The following DCBLD1 variants were observed in gnomAD, a reference collection of about 807,000 sequenced individuals.
DCBLD1 encodes the protein discoidin, CUB and LCCL domain-containing protein 1.
Under a neutral mutation model 71.5 loss-of-function variants are expected in DCBLD1, and 57 were observed. The ratio of observed to expected loss-of-function variants is 0.80; its 90% CI spans 0.64 to 0.99. The LOEUF is 0.99. Ranked by LOEUF, DCBLD1 falls within the 50% of genes least tolerant of loss-of-function variation. The probability of loss-of-function intolerance (pLI) is 0.00; values close to 1 mark genes in which losing one functional copy is unlikely to be tolerated. For missense variants in DCBLD1, 891 were observed against 923.5 expected, an observed-to-expected ratio of 0.96 and a Z score of 0.46; for synonymous variants, 380 against 363.8, an observed-to-expected ratio of 1.04 and a Z score of -0.51.
intron 2 of DCBLD1, among the ~76,000 whole-genome samples, chr6:117,506,205 AG>A (rs1226013875): frequency 6.6e-6 from 1 of 152,076 alleles, no homozygotes; most frequent in African/African-American, 2.4e-5. Flanking sequence ...GCCTTTCCAC[AG>A]GTGGGGAAAC....
In DCBLD1 at chr6:117,521,559, T is replaced by C; in HGVS notation, c.495T>C (p.Tyr165=). 1 of 1,567,768 alleles carries C rather than the reference T, an allele frequency of 6.4e-7. No homozygotes were observed. The highest frequency in any genetic ancestry group is 8.6e-7 in the Non-Finnish European group (1 of 1,166,192). The part of the protein sequence containing the change: ...LITCLERASH[Y]LKTEYSKFCP... ...CATGTTTGGAACGAGCTAGCCATTA[T>C]TTGAAGACAGAATACAGGTAAGTAT... Residue 165 remains tyrosine (Y), a synonymous_variant, in exon 4 of 15, where the codon TAT becomes TAC. Transcript: ENST00000338728.
At chr6:117,543,005 T>C in intron 11 of DCBLD1, 119 bp from the exon 12 acceptor site, 1 of 807,540 alleles carries the variant, frequency 1.2e-6, no homozygotes, top group Non-Finnish European at 2.1e-6. Context: ...CTAACATGTA[T>C]TCATTTTCCC....
chr6:117,530,320 A>T (rs1393818816), intron 5 of DCBLD1, among the ~76,000 whole-genome samples: 4 of 152,320 alleles, frequency 2.6e-5, no homozygotes, highest in South Asian at 4.1e-4. Flanking sequence ...TGGTTTCAGG[A>T]TGAAAGTGTT....
chr6:117,487,062 C>T (rs1777113281), intron 1 of DCBLD1, among the ~76,000 whole-genome samples: 1 of 152,126 alleles, frequency 6.6e-6, no homozygotes, highest in Non-Finnish European at 1.5e-5. Flanking sequence ...CAGCCCCATA[C>T]ACGGAAAAAT....
At chr6:117,558,641 C>G (rs1779527044) in intron 14 of DCBLD1, among the ~76,000 whole-genome samples, 1 of 152,124 alleles carries the variant, frequency 6.6e-6, no homozygotes, top group Non-Finnish European at 1.5e-5. Flanking sequence ...AAATCAGGTA[C>G]AAGCTCCAAG....
intron 1 of DCBLD1, among the ~76,000 whole-genome samples, chr6:117,501,488 C>T (rs1218201425): frequency 6.6e-6 from 1 of 152,206 alleles, no homozygotes; most frequent in Admixed American, 6.5e-5. Context: ...CTCGCGCTAC[C>T]ATGCCCAGCT....
Position 117,482,826 on chromosome 6 carries a change from C to G in DCBLD1, c.45C>G (p.Ala15=). 2 of 1,165,882 alleles carry G rather than the reference C, an allele frequency of 1.7e-6. No individual in the cohort carries two copies. Among genetic ancestry groups the G allele is most frequent in the Non-Finnish European group, 2.1e-6 (2 of 946,706 alleles). The allele number at this position is 1,165,882 out of a possible 1,614,324, so 72.2% of individuals were successfully genotyped here. A position where few individuals can be genotyped will look rare whatever the true frequency, so the allele number is the denominator to read the frequency against. ...ARGGGALARA[A]GRGLLALLLA... ...GCGGCGGCGCACTGGCGCGGGCTGC[C>G]GGGCGGGGCCTCCTGGCTTTGCTGC... Residue 15 remains alanine (A), a synonymous_variant, in exon 1 of 15, where the codon GCC becomes GCG. Coordinates refer to ENST00000338728, the MANE Select transcript of DCBLD1 (RefSeq NM_001366458.2).
At chr6:117,564,047 G>A (rs970424233) in intron 14 of DCBLD1, among the ~76,000 whole-genome samples, 5 of 149,902 alleles carry the variant, frequency 3.3e-5, no homozygotes, top group African/African-American at 1.2e-4. Flanking sequence ...GCATGATTAC[G>A]GCTCACTGCT....
Position 117,521,508 on chromosome 6 carries a change from A to T in DCBLD1, c.461-17A>T, listed in dbSNP as rs1340405740. On this transcript the variant is annotated splice_polypyrimidine_tract_variant and intron_variant, in intron 3 of 14. Coordinates refer to ENST00000338728, the MANE Select transcript of DCBLD1 (RefSeq NM_001366458.2). ...TTTATTCATTCTATTAATTGCAATT[A>T]TCTTTATTTATGACAGATTTAATAA... The T allele has an allele frequency of 1.9e-6, 3 of 1,562,216 alleles. No individual in the cohort carries two copies. The highest frequency in any genetic ancestry group is 2.6e-6 in the Non-Finnish European group (3 of 1,155,962).
Position 117,549,229 on chromosome 6 carries a change from A to G in DCBLD1, c.*790A>G. On this transcript the variant is annotated 3_prime_UTR_variant, in exon 15 of 15. Transcript: ENST00000338728. ...GTCAGATGTTTTCGTACCTCAGATTAAAAATATTGCTGAGGTCAGACGCCA... is the reference window on the plus strand; with the variant it reads ...GTCAGATGTTTTCGTACCTCAGATTGAAAATATTGCTGAGGTCAGACGCCA... The G allele has an allele frequency of 1.0e-6, 1 of 985,462 alleles. No individual in the cohort carries two copies. The highest frequency in any genetic ancestry group is 1.2e-6 in the Non-Finnish European group (1 of 829,928). The allele number at this position is 985,462 out of a possible 1,614,324, so 61.0% of individuals were successfully genotyped here. A position where few individuals can be genotyped will look rare whatever the true frequency, so the allele number is the denominator to read the frequency against.
chr6:117,542,121 C>G (rs962327821), intron 11 of DCBLD1, among the ~76,000 whole-genome samples: 1 of 151,860 alleles, frequency 6.6e-6, no homozygotes, highest in Non-Finnish European at 1.5e-5. Context: ...GGTGAAACCC[C>G]GTCTCTAATA....
intron 5 of DCBLD1, among the ~76,000 whole-genome samples, chr6:117,529,855 A>G (rs1178759199): frequency 6.6e-6 from 1 of 152,244 alleles, no homozygotes; most frequent in Non-Finnish European, 1.5e-5. Flanking sequence ...CATAGCTGCA[A>G]TTAAATAAAA....
intron 6 of DCBLD1, among the ~76,000 whole-genome samples, chr6:117,534,281 C>T (rs982468124): frequency 2.6e-5 from 4 of 152,172 alleles, no homozygotes; most frequent in African/African-American, 7.2e-5. Context: ...ACATTTTTCA[C>T]ATAAATATTT....
intron 2 of DCBLD1, among the ~76,000 whole-genome samples, chr6:117,514,953 A>T (rs1778141427): frequency 6.8e-6 from 1 of 147,444 alleles, no homozygotes; most frequent in African/African-American, 2.5e-5. Context: ...CATAAAATCT[A>T]AAAAAAAAAA....
chr6:117,547,705 C>G lies in DCBLD1; in HGVS notation c.1616-202C>G, dbSNP rs1015614235. 14 of 1,112,674 alleles carry G rather than the reference C, an allele frequency of 1.3e-5. No homozygotes were observed. The African/African-American group carries it at 2.2e-4, about 17-fold the overall frequency. 68.9% of individuals were successfully genotyped at this position (1,112,674 alleles called of 1,614,324 possible). A position where few individuals can be genotyped will look rare whatever the true frequency, so the allele number is the denominator to read the frequency against. ...CTCTGAGAAGACCCTGCGAAGCTTCCTGAGCAGGCGGTGCGGTTGTGTACT... is the reference window on the plus strand; with the variant it reads ...CTCTGAGAAGACCCTGCGAAGCTTCGTGAGCAGGCGGTGCGGTTGTGTACT... On this transcript the variant is annotated intron_variant, in intron 14 of 14. Transcript: ENST00000338728.
At chr6:117,536,351 G>C (rs546439093) in intron 6 of DCBLD1, among the ~76,000 whole-genome samples, 2 of 152,228 alleles carry the variant, frequency 1.3e-5, no homozygotes, top group Non-Finnish European at 2.9e-5. Context: ...TTTTCCATTC[G>C]TTCTCTGTAT....
At chr6:117,482,959 G>C (rs1166982811) in intron 1 of DCBLD1, 66 bp downstream of exon 1, 3 of 635,130 alleles carry the variant, frequency 4.7e-6, no homozygotes, top group Non-Finnish European at 3.8e-6. Flanking sequence ...GGGCTGCGGG[G>C]CGGGCCGGGC....
chr6:117,548,249 A>G lies in DCBLD1; in HGVS notation c.1958A>G (p.Gln653Arg). Residue 653 changes from glutamine (Q) to arginine (R), a missense_variant, in exon 15 of 15, where the codon CAA becomes CGA. Physicochemically the swap from Gln to Arg is conservative, Grantham distance 43. Coordinates refer to ENST00000338728, the MANE Select transcript of DCBLD1 (RefSeq NM_001366458.2). Reference protein sequence around the residue: ...AGVGAQDGDYQRPHSAQPADR... With the variant: ...AGVGAQDGDYRRPHSAQPADR... ...GTGGGCGCCCAGGACGGAGACTATC[A>G]AAGGCCACACAGCGCACAGCCTGCG... The G allele has an allele frequency of 2.6e-6, 4 of 1,550,600 alleles. No homozygotes were observed. Among genetic ancestry groups the G allele is most frequent in the Non-Finnish European group, 3.5e-6 (4 of 1,146,974 alleles).
chr6:117,562,608 T>G (rs1039590036), intron 14 of DCBLD1: 5 of 202,600 alleles, frequency 2.5e-5, no homozygotes, highest in African/African-American at 6.9e-5. Context: ...AGAATCTATT[T>G]CTAGTGCAGC....
Sources: allele counts gnomAD v4.1 joint callset (sites outside exome capture counted in the v4.1 genomes callset), GRCh38; gene constraint gnomAD v4.1.1; transcripts MANE v1.5; gene names NCBI Gene and HGNC (gene_info 2026-07-23, HGNC 2026-07-21).